CNTN4: variants seen among roughly 807,000 people sequenced by gnomAD.
The protein encoded by CNTN4 is contactin-4.
A neutral mutation model predicts 122.5 loss-of-function variants in CNTN4; 77 were observed. The observed-to-expected ratio is 0.63, with a 90% CI of 0.52 to 0.76. CNTN4 has a LOEUF of 0.76. Ranked by LOEUF, CNTN4 falls within the 30% of genes least tolerant of loss-of-function variation. CNTN4 has a pLI of 0.00. For missense variants in CNTN4, 1,256 were observed against 1,259.1 expected (o/e 1.00, Z 0.04); for synonymous variants, 512 against 447.0 (o/e 1.15, Z -1.83).
intron 4 of CNTN4, among the ~76,000 whole-genome samples, chr3:2,618,835 G>T (rs141167582): frequency 6.6e-6 from 1 of 152,168 alleles, no homozygotes; most frequent in African/African-American, 2.4e-5. Flanking sequence ...TCTTAAAAAT[G>T]TCAGGTATTT....
rs1209434980 is a variant in CNTN4, at chr3:2,411,633, C to T, written c.-89+72400C>T. Among the ~76,000 whole-genome samples, 5 of 152,124 alleles carry T rather than the reference C, an allele frequency of 3.3e-5. No homozygotes were observed. In the East Asian group the frequency reaches 9.6e-4, roughly 29 times the overall value. ...ATCAATGGACTAATCGCTTCCCTGC[C>T]TGCTGCCTGCCTGCCTGCCTTCCTC... is the stretch of plus-strand genomic sequence containing the variant. On this transcript the variant is annotated intron_variant, in intron 3 of 24. Transcript: ENST00000418658.
At chr3:2,481,181 C>T (rs1487509413) in intron 3 of CNTN4, among the ~76,000 whole-genome samples, 3 of 151,348 alleles carry the variant, frequency 2.0e-5, no homozygotes, top group Non-Finnish European at 2.9e-5. Flanking sequence ...CGCTCTGTCA[C>T]CCAGGCTGGA....
At chr3:2,733,540 T>G (rs1004486484) in intron 4 of CNTN4, among the ~76,000 whole-genome samples, 1 of 139,156 alleles carries the variant, frequency 7.2e-6, no homozygotes, top group Non-Finnish European at 1.6e-5. Context: ...GTGTTTTTTT[T>G]TTTTTTTTTT....
intron 7 of CNTN4, among the ~76,000 whole-genome samples, chr3:2,832,456 C>G (rs1201965927): frequency 6.6e-6 from 1 of 151,936 alleles, no homozygotes; most frequent in African/African-American, 2.4e-5. Context: ...GTTCAGTGAC[C>G]ATGTAAAATA....
intron 6 of CNTN4, among the ~76,000 whole-genome samples, chr3:2,751,597 G>A (rs1256016138): frequency 6.6e-6 from 1 of 152,098 alleles, no homozygotes; most frequent in African/African-American, 2.4e-5. Flanking sequence ...ATTTCAGTTC[G>A]TTATTTGCAC....
chr3:2,262,600 A>ACACCTCATTATTCTTTT (rs1339879144), intron 2 of CNTN4, among the ~76,000 whole-genome samples: 2 of 149,960 alleles, frequency 1.3e-5, no homozygotes, highest in African/African-American at 4.9e-5. Flanking sequence ...TGAGATACAC[A>ACACCTCATTATTCTTTT]AAGATGTGAT....
At chr3:2,194,525 G>T (rs1374919882) in intron 2 of CNTN4, among the ~76,000 whole-genome samples, 2 of 152,160 alleles carry the variant, frequency 1.3e-5, no homozygotes, top group Non-Finnish European at 2.9e-5. Flanking sequence ...ATTGTTATTG[G>T]TTGAATTGTG....
In CNTN4 at chr3:2,613,055, C is replaced by G. The variant is rs1311465885; in HGVS notation, c.55+41497C>G. Among the ~76,000 whole-genome samples, 3 of 152,062 alleles carry G rather than the reference C, an allele frequency of 2.0e-5. No individual in the cohort carries two copies. In the East Asian group the frequency reaches 5.8e-4, roughly 29 times the overall value. ...TTGTATATTGTGCCAGGGGCTTTGT[C>G]TGCTTATCAGTGGTGCAATACATCA... On this transcript the variant is annotated intron_variant, in intron 4 of 24. Coordinates refer to ENST00000418658, the MANE Select transcript of CNTN4 (RefSeq NM_175607.3).
At chr3:3,005,071 A>G (rs1419896353) in intron 14 of CNTN4, among the ~76,000 whole-genome samples, 1 of 152,230 alleles carries the variant, frequency 6.6e-6, no homozygotes, top group East Asian at 1.9e-4. Context: ...ATAGTCTTCT[A>G]TAAAATCGAA....
chr3:2,896,027 T>C (rs1317271563), intron 10 of CNTN4, among the ~76,000 whole-genome samples: 9 of 152,208 alleles, frequency 5.9e-5, no homozygotes, highest in Admixed American at 3.9e-4. Flanking sequence ...AGCCAGACTC[T>C]GTCTCAAAAA....
At chr3:2,813,999 C>G (rs1373467900) in intron 6 of CNTN4, among the ~76,000 whole-genome samples, 1 of 152,160 alleles carries the variant, frequency 6.6e-6, no homozygotes, top group Non-Finnish European at 1.5e-5. Context: ...GTAACACATT[C>G]CAAATACTAT....
intron 4 of CNTN4, among the ~76,000 whole-genome samples, chr3:2,581,270 C>G (rs1349717976): frequency 1.3e-5 from 2 of 152,074 alleles, no homozygotes; most frequent in African/African-American, 4.8e-5. Flanking sequence ...TAAAGCTATA[C>G]CTTAAGTACT....
chr3:2,333,874 C>A (rs904018831), intron 2 of CNTN4, among the ~76,000 whole-genome samples: 2 of 147,410 alleles, frequency 1.4e-5, no homozygotes, highest in Non-Finnish European at 3.0e-5. Context: ...CTTTACCTCC[C>A]ACAGAAAATT....
intron 4 of CNTN4, among the ~76,000 whole-genome samples, chr3:2,723,316 A>G (rs968543837): frequency 6.6e-6 from 1 of 152,114 alleles, no homozygotes; most frequent in Non-Finnish European, 1.5e-5. Context: ...AAAAATCTGA[A>G]CTCACTCACA....
chr3:2,189,614 C>A (rs757808657), intron 2 of CNTN4, among the ~76,000 whole-genome samples: 1 of 152,036 alleles, frequency 6.6e-6, no homozygotes, highest in Non-Finnish European at 1.5e-5. Context: ...CATGTTGTCC[C>A]TGAAAAACAA....
intron 2 of CNTN4, among the ~76,000 whole-genome samples, chr3:2,107,581 G>T (rs765239360): frequency 1.9e-4 from 29 of 152,054 alleles, no homozygotes; most frequent in Non-Finnish European, 1.5e-4. Flanking sequence ...GGGAATTATG[G>T]GGATTACAAT....
intron 4 of CNTN4, among the ~76,000 whole-genome samples, chr3:2,730,521 T>C (rs2088602550): frequency 6.6e-6 from 1 of 152,220 alleles, no homozygotes; most frequent in South Asian, 2.1e-4. Flanking sequence ...AGATTAGATC[T>C]ACTGCCTGAC....
chr3:2,419,446 C>T (rs1005055569), intron 3 of CNTN4, among the ~76,000 whole-genome samples: 2 of 152,092 alleles, frequency 1.3e-5, no homozygotes, highest in Non-Finnish European at 2.9e-5. Context: ...TTATTTGTTC[C>T]TAGGCAGGGT....
At chr3:3,006,016 G>T (rs1246472447) in intron 14 of CNTN4, among the ~76,000 whole-genome samples, 1 of 151,418 alleles carries the variant, frequency 6.6e-6, no homozygotes, top group Non-Finnish European at 1.5e-5. Context: ...CTCCCAAGTA[G>T]CTGGGACTAC....
Sources: allele counts gnomAD v4.1 joint callset (sites outside exome capture counted in the v4.1 genomes callset), GRCh38; gene constraint gnomAD v4.1.1; transcripts MANE v1.5; gene names NCBI Gene and HGNC (gene_info 2026-07-23, HGNC 2026-07-21).